CNTN4: variants seen among roughly 807,000 people sequenced by gnomAD.
CNTN4 encodes contactin-4.
Under a neutral mutation model 122.5 loss-of-function variants are expected in CNTN4, and 77 were observed. The ratio of observed to expected loss-of-function variants is 0.63; its 90% CI spans 0.52 to 0.76. The LOEUF is 0.76. Ranked by LOEUF, CNTN4 falls within the 30% of genes least tolerant of loss-of-function variation. The probability of loss-of-function intolerance (pLI) is 0.00; values close to 1 mark genes in which losing one functional copy is unlikely to be tolerated. For missense variants in CNTN4, 1,256 were observed against 1,259.1 expected, an observed-to-expected ratio of 1.00 and a Z score of 0.04; for synonymous variants, 512 against 447.0, an observed-to-expected ratio of 1.15 and a Z score of -1.83.
chr3:2,113,468 G>A (rs1351074254), intron 2 of CNTN4, among the ~76,000 whole-genome samples: 1 of 152,184 alleles, frequency 6.6e-6, no homozygotes, highest in South Asian at 2.1e-4. Flanking sequence ...CAGATGCACT[G>A]TATCAGAATT....
chr3:2,975,227 G>T (rs180999238), intron 13 of CNTN4, among the ~76,000 whole-genome samples: 7 of 151,834 alleles, frequency 4.6e-5, no homozygotes, highest in African/African-American at 1.7e-4. Flanking sequence ...TATAACCAAA[G>T]ATCTAATGGT....
intron 2 of CNTN4, among the ~76,000 whole-genome samples, chr3:2,265,765 T>TATA (rs35190603): frequency 9.4e-5 from 14 of 148,972 alleles, no homozygotes; most frequent in Admixed American, 2.0e-4. Context: ...TATATATATA[T>TATA]TTTTTTTTGT....
intron 3 of CNTN4, among the ~76,000 whole-genome samples, chr3:2,425,338 T>C (rs1471020914): frequency 1.3e-5 from 2 of 152,028 alleles, no homozygotes; most frequent in East Asian, 1.9e-4. Context: ...ATCCTTTCCC[T>C]ATTTCTTGTT....
intron 3 of CNTN4, among the ~76,000 whole-genome samples, chr3:2,384,496 A>G (rs2046161995): frequency 1.3e-5 from 2 of 152,226 alleles, no homozygotes; most frequent in Non-Finnish European, 1.5e-5. Context: ...AAGAAGAGAC[A>G]TATTTATTAT....
intron 2 of CNTN4, among the ~76,000 whole-genome samples, chr3:2,330,256 G>A: frequency 6.6e-6 from 1 of 152,174 alleles, no homozygotes; most frequent in East Asian, 1.9e-4. Flanking sequence ...TATGTGCGAA[G>A]GAGCACAGAT....
At chr3:2,760,062 G>T (rs1559473631) in intron 6 of CNTN4, among the ~76,000 whole-genome samples, 1 of 151,904 alleles carries the variant, frequency 6.6e-6, no homozygotes, top group African/African-American at 2.4e-5. Context: ...ATATTTCTTT[G>T]TATATTCCTC....
At chr3:2,911,957 G>A (rs925098887) in intron 12 of CNTN4, among the ~76,000 whole-genome samples, 1 of 152,052 alleles carries the variant, frequency 6.6e-6, no homozygotes, top group East Asian at 1.9e-4. Context: ...ATCATCAAGT[G>A]CAACAATATA....
chr3:2,772,303 C>T (rs1297342002), intron 6 of CNTN4, among the ~76,000 whole-genome samples: 1 of 148,916 alleles, frequency 6.7e-6, no homozygotes, highest in African/African-American at 2.5e-5. Context: ...AAGAGTCTAT[C>T]CTAAGACAAA....
At chr3:2,176,714 T>C (rs2036762896) in intron 2 of CNTN4, among the ~76,000 whole-genome samples, 1 of 152,144 alleles carries the variant, frequency 6.6e-6, no homozygotes, top group Non-Finnish European at 1.5e-5. Flanking sequence ...TTTTGCTTTC[T>C]AATTTCAGCG....
chr3:3,047,186 T>C (rs1232677003), intron 23 of CNTN4, among the ~76,000 whole-genome samples: 2 of 151,956 alleles, frequency 1.3e-5, no homozygotes, highest in Non-Finnish European at 2.9e-5. Flanking sequence ...CGGGAGACTT[T>C]AACACCCCAC....
intron 16 of CNTN4, among the ~76,000 whole-genome samples, 171 bp downstream of exon 16, chr3:3,031,146 C>T (rs1699127039): frequency 1.3e-5 from 2 of 152,188 alleles, no homozygotes; most frequent in Non-Finnish European, 2.9e-5. Flanking sequence ...ATATACAGTT[C>T]CTCAGTGCGG....
chr3:2,395,630 C>G (rs1393949712), intron 3 of CNTN4, among the ~76,000 whole-genome samples: 2 of 152,020 alleles, frequency 1.3e-5, no homozygotes, highest in African/African-American at 2.4e-5. Context: ...TTCCAGTGTC[C>G]ATTGTTCCCG....
chr3:2,291,983 G>A (rs144443467), intron 2 of CNTN4, among the ~76,000 whole-genome samples: 158 of 152,232 alleles, frequency 1.0e-3, no homozygotes, highest in African/African-American at 3.5e-3. Flanking sequence ...TGATCCACCC[G>A]CCTCAGCCTC....
At chr3:2,290,477 A>G (rs765517130) in intron 2 of CNTN4, among the ~76,000 whole-genome samples, 1 of 152,222 alleles carries the variant, frequency 6.6e-6, no homozygotes, top group Non-Finnish European at 1.5e-5. Flanking sequence ...TACAGGGGAA[A>G]ATCATTAACG....
intron 2 of CNTN4, among the ~76,000 whole-genome samples, chr3:2,333,749 A>C (rs1408171046): frequency 6.6e-6 from 1 of 152,204 alleles, no homozygotes; most frequent in Non-Finnish European, 1.5e-5. Flanking sequence ...ATGCATTTAA[A>C]TGTAATCTGT....
chr3:2,102,444 C>A (rs2125086113), intron 2 of CNTN4, among the ~76,000 whole-genome samples: 1 of 152,274 alleles, frequency 6.6e-6, no homozygotes, highest in African/African-American at 2.4e-5. Flanking sequence ...GAGCTTGGCT[C>A]TTTTAGATTG....
chr3:2,848,298 G>A (rs1354729679), intron 7 of CNTN4, among the ~76,000 whole-genome samples: 2 of 152,186 alleles, frequency 1.3e-5, no homozygotes, highest in African/African-American at 4.8e-5. Context: ...CTTACAGTGA[G>A]GCTGAGTAGA....
intron 2 of CNTN4, among the ~76,000 whole-genome samples, chr3:2,198,978 G>A (rs542215534): frequency 3.3e-5 from 5 of 152,294 alleles, no homozygotes; most frequent in East Asian, 3.9e-4. Context: ...TGGGGAAGCC[G>A]AATCATCGTT....
At chr3:2,299,413 C>T (rs1010932650) in intron 2 of CNTN4, among the ~76,000 whole-genome samples, 10 of 151,982 alleles carry the variant, frequency 6.6e-5, no homozygotes, top group African/African-American at 2.2e-4. Flanking sequence ...GTAGTGGACC[C>T]GTCACCCGAG....
Sources: gnomAD v4.1 joint callset for allele counts (sites outside exome capture counted in the v4.1 genomes callset) on GRCh38, gnomAD v4.1.1 for gene constraint, MANE v1.5 for transcripts, NCBI Gene and HGNC (gene_info 2026-07-23, HGNC 2026-07-21) for gene names.